Variants in ADAMTS9 observed in about 807,000 individuals in gnomAD.
ADAMTS9 encodes the protein ADAM metallopeptidase with thrombospondin type 1 motif 9, also known as A disintegrin and metalloproteinase with thrombospondin motifs 9.
A neutral mutation model predicts 257.1 loss-of-function variants in ADAMTS9; 107 were observed. That is an observed-to-expected ratio of 0.42 (90% confidence interval 0.36 to 0.49). The LOEUF (loss-of-function observed/expected upper bound fraction) is 0.49, where lower values mean the gene tolerates loss of function less well. Ranked by LOEUF, ADAMTS9 falls within the 20% of genes least tolerant of loss-of-function variation. ADAMTS9 has a pLI of 0.03. For missense variants in ADAMTS9, 2,353 were observed against 2,469.1 expected (o/e 0.95, Z 1.00); for synonymous variants, 982 against 880.9 (o/e 1.11, Z -2.03).
Position 64,687,116 on chromosome 3 carries a change from T to C in ADAMTS9, c.116-148A>G. On this transcript the variant is annotated intron_variant, in intron 1 of 39. Transcript: ENST00000498707. This position sits in a 1 kb window ranked among gnomAD's most constrained non-coding sequence, Gnocchi z 4.4. Reference sequence around the variant, plus strand: ...CCTTAATCAGTGGACAAATATTTGCTGAGCACCTACTATGTGCCAGTAACA... The same window carrying C: ...CCTTAATCAGTGGACAAATATTTGCCGAGCACCTACTATGTGCCAGTAACA... The C allele has an allele frequency of 1.0e-6, 1 of 968,492 alleles. No individual in the cohort carries two copies. Among genetic ancestry groups the C allele is most frequent in the Non-Finnish European group, 1.5e-6 (1 of 665,528 alleles). The allele number at this position is 968,492 out of a possible 1,614,324, so 60.0% of individuals were successfully genotyped here. A position where few individuals can be genotyped will look rare whatever the true frequency, so the allele number is the denominator to read the frequency against.
chr3:64,571,669 A>C (rs1348979036), intron 28 of ADAMTS9, among the ~76,000 whole-genome samples: 3 of 152,222 alleles, frequency 2.0e-5, no homozygotes, highest in Non-Finnish European at 4.4e-5. Context: ...TATTGTTAAG[A>C]TCTAAAGGCA....
At chr3:64,620,812 A>G (rs1700085430) in intron 19 of ADAMTS9, among the ~76,000 whole-genome samples, 1 of 152,194 alleles carries the variant, frequency 6.6e-6, no homozygotes. Context: ...GTTTTCACGT[A>G]CAATGTGACT....
intron 12 of ADAMTS9, among the ~76,000 whole-genome samples, chr3:64,639,179 C>T (rs565505860): frequency 6.6e-6 from 1 of 152,114 alleles, no homozygotes; most frequent in South Asian, 2.1e-4. Flanking sequence ...CCATTGTAAC[C>T]TCCGTATTCA....
chr3:64,655,746 G>C (rs1406690661), intron 5 of ADAMTS9, 46 bp downstream of exon 5: 1 of 1,576,686 alleles, frequency 6.3e-7, no homozygotes, highest in East Asian at 2.2e-5. Context: ...AATTAGATAT[G>C]CCATTTCGGA....
rs1252369220 is a variant in ADAMTS9 at position 64,686,301 on chromosome 3, G to A, written c.516+267C>T. ...GACTTCCAGGCCGCCTCGCAGCGTT[G>A]GGCAACGCGCCGCTGAACCGAGTCC... On this transcript the variant is annotated intron_variant, in intron 2 of 39. Transcript: ENST00000498707. The surrounding 1 kb of genome is among the most constrained non-coding windows in gnomAD (Gnocchi z 4.6). Among the ~76,000 whole-genome samples the A allele has an allele frequency of 6.6e-6, 1 of 152,238 alleles. No individual in the cohort carries two copies. The highest frequency in any genetic ancestry group is 1.5e-5 in the Non-Finnish European group (1 of 68,052).
chr3:64,606,616 C>T (rs1055861991), intron 23 of ADAMTS9, among the ~76,000 whole-genome samples: 2 of 152,150 alleles, frequency 1.3e-5, no homozygotes, highest in Non-Finnish European at 2.9e-5. Context: ...TACAAGTTAG[C>T]TCCAGCAAAT....
At chr3:64,532,106 G>A (rs1245752239) in intron 38 of ADAMTS9, among the ~76,000 whole-genome samples, 1 of 152,198 alleles carries the variant, frequency 6.6e-6, no homozygotes, top group Non-Finnish European at 1.5e-5. Flanking sequence ...TTCCTCAGGT[G>A]ATTCTACTAT....
At chr3:64,571,208 A>T (rs2083676780) in intron 28 of ADAMTS9, among the ~76,000 whole-genome samples, 1 of 152,252 alleles carries the variant, frequency 6.6e-6, no homozygotes, top group Non-Finnish European at 1.5e-5. Context: ...CACATTTATG[A>T]GCCAGGCACT....
intron 3 of ADAMTS9, among the ~76,000 whole-genome samples, chr3:64,676,582 T>C (rs1436147016): frequency 1.3e-5 from 2 of 152,164 alleles, no homozygotes; most frequent in African/African-American, 4.8e-5. Flanking sequence ...ACTGAATATA[T>C]ATTCTGTGTT....
chr3:64,660,691 C>T (rs896548739), intron 3 of ADAMTS9, among the ~76,000 whole-genome samples: 1 of 152,038 alleles, frequency 6.6e-6, no homozygotes, highest in African/African-American at 2.4e-5. Context: ...TTAAGGAATC[C>T]TTATTTTACT....
chr3:64,674,847 G>C (rs1701588999), intron 3 of ADAMTS9, among the ~76,000 whole-genome samples: 1 of 152,160 alleles, frequency 6.6e-6, no homozygotes, highest in African/African-American at 2.4e-5. Context: ...TCGAAGGGCA[G>C]CTAATCTAAT....
chr3:64,675,911 C>T (rs1283554982), intron 3 of ADAMTS9, among the ~76,000 whole-genome samples: 1 of 152,172 alleles, frequency 6.6e-6, no homozygotes, highest in Non-Finnish European at 1.5e-5. Flanking sequence ...AAGAGCCTAA[C>T]AGATGATGGC....
Position 64,568,411 on chromosome 3 carries a change from C to T in ADAMTS9, c.4481G>A (p.Arg1494Gln), listed in dbSNP as rs200540718. Residue 1494 changes from arginine (R) to glutamine (Q), a missense_variant, in exon 29 of 40, where the codon CGA (arginine) becomes CAA (glutamine). Transcript: ENST00000498707. ...LAKPHGHRKC[R>Q]GGRCPKWKAG... ...TTTCCATTTGGGGCATCTTCCTCCTCGGCACTTTCTGTGCCCATGTGGCTT... is the reference window on the plus strand; with the variant it reads ...TTTCCATTTGGGGCATCTTCCTCCTTGGCACTTTCTGTGCCCATGTGGCTT... 10 of 1,612,862 alleles carry T rather than the reference C, an allele frequency of 6.2e-6. No individual in the cohort carries two copies. The highest frequency in any genetic ancestry group is 2.2e-5 in the South Asian group (2 of 90,692).
At position 64,654,507 on chromosome 3, in the gene ADAMTS9, T is replaced by C. The variant is rs745747304; in HGVS notation, c.1211-49A>G. 4.4e-6 allele frequency: 7 copies of C among 1,588,104 alleles called. No individual in the cohort carries two copies. The Admixed American group carries it at 1.2e-4, about 28-fold the overall frequency. ...AAGGATTTACTCTAAAAAGCAACTG[T>C]GGCTTGAAATACAAACATGTAGTAA... On this transcript the variant is annotated intron_variant, in intron 7 of 39. Coordinates refer to ENST00000498707, the MANE Select transcript of ADAMTS9 (RefSeq NM_182920.2).
chr3:64,540,953 A>T (rs376339646), intron 36 of ADAMTS9, 142 bp downstream of exon 36: 5 of 1,224,218 alleles, frequency 4.1e-6, no homozygotes, highest in Non-Finnish European at 5.7e-6. Flanking sequence ...TAAGCTCCCA[A>T]TGTTCTTCCT....
rs575984337 is a variant in ADAMTS9 at position 64,671,868 on chromosome 3, T to C, written c.679+9333A>G. 3.0e-4 allele frequency among the ~76,000 whole-genome samples: 45 copies of C among 152,360 alleles called. 1 individual carries two copies. Among genetic ancestry groups the C allele is most frequent in the African/African-American group, 1.1e-3 (44 of 41,590 alleles). On this transcript the variant is annotated intron_variant, in intron 3 of 39. Transcript: ENST00000498707. ...GAGAAAACACAGCCATAAATGGCTA[T>C]AATAAAGACTCTTTTATGATACAAT...
intron 30 of ADAMTS9, among the ~76,000 whole-genome samples, chr3:64,553,096 A>G (rs2083290627): frequency 6.7e-6 from 1 of 149,402 alleles, no homozygotes; most frequent in Non-Finnish European, 1.5e-5. Flanking sequence ...ACAAGTATAG[A>G]ATTCAGTGGC....
Position 64,686,650 on chromosome 3 carries a change from G to C in ADAMTS9, c.434C>G (p.Ala145Gly). Residue 145 changes from alanine (A) to glycine (G), a missense_variant, in exon 2 of 40, where the codon GCG becomes GGG. Around this residue, in one of 3 missense-constraint regions of ADAMTS9, gnomAD observed 591 missense variants for 569.6 expected, o/e 1.04. Transcript: ENST00000498707. This position sits in a 1 kb window ranked among gnomAD's most constrained non-coding sequence, Gnocchi z 4.6. ...NQTKFYSEEEAELKHCFYKGY... is the reference protein window; with the variant it reads ...NQTKFYSEEEGELKHCFYKGY... Reference sequence around the variant, plus strand: ...TTTGTAGAAACAGTGCTTGAGTTCCGCTTCCTCTTCGGAATAAAACTTGGT... The same window carrying C: ...TTTGTAGAAACAGTGCTTGAGTTCCCCTTCCTCTTCGGAATAAAACTTGGT... The C allele has an allele frequency of 1.9e-6, 3 of 1,614,148 alleles. No individual in the cohort carries two copies. Among genetic ancestry groups the C allele is most frequent in the East Asian group, 2.2e-5 (1 of 44,876 alleles).
intron 21 of ADAMTS9, among the ~76,000 whole-genome samples, chr3:64,614,394 T>C (rs982949879): frequency 3.9e-5 from 6 of 152,240 alleles, no homozygotes; most frequent in Non-Finnish European, 7.3e-5. Flanking sequence ...ACACTGTTAA[T>C]TGACTGCCAT....
Sources: gnomAD v4.1 joint callset for allele counts (sites outside exome capture counted in the v4.1 genomes callset) on GRCh38, gnomAD v4.1.1 for gene constraint, gnomAD v4.1.1 regional missense constraint, Gnocchi (gnomAD v3.1) non-coding constraint, MANE v1.5 for transcripts, NCBI Gene and HGNC (gene_info 2026-07-23, HGNC 2026-07-21) for gene names.